Variants in RBFOX1 observed in about 807,000 individuals in gnomAD.
RBFOX1 encodes RNA binding protein fox-1 homolog 1.
RBFOX1 carries 8 observed loss-of-function variants against 57.7 expected under a neutral mutation model. The ratio of observed to expected loss-of-function variants is 0.14; its 90% CI spans 0.08 to 0.25. The LOEUF (loss-of-function observed/expected upper bound fraction) is 0.25, where lower values mean the gene tolerates loss of function less well. Ranked by LOEUF, RBFOX1 falls within the 10% of genes least tolerant of loss-of-function variation. RBFOX1 has a pLI of 1.00. For synonymous variants in RBFOX1, 326 were observed against 222.4 expected, an observed-to-expected ratio of 1.47 and a Z score of -4.15; for missense variants, 611 against 548.5, an observed-to-expected ratio of 1.11 and a Z score of -1.14.
intron 1 of RBFOX1, among the ~76,000 whole-genome samples, chr16:6,081,383 C>G (rs1367061879): frequency 1.3e-5 from 2 of 152,256 alleles, no homozygotes; most frequent in African/African-American, 2.4e-5. Flanking sequence ...TATCTTGTTT[C>G]TCTGTCGGAT....
At chr16:7,318,183 G>T (rs905956747) in intron 4 of RBFOX1, among the ~76,000 whole-genome samples, 1 of 151,956 alleles carries the variant, frequency 6.6e-6, no homozygotes, top group African/African-American at 2.4e-5. Flanking sequence ...GATGGTGATG[G>T]TGATAGTGAT....
Position 5,302,293 on chromosome 16 carries a change from T to C in RBFOX1, c.219+62188T>C, listed in dbSNP as rs1452005843. Among the ~76,000 whole-genome samples the C allele has an allele frequency of 2.0e-5, 3 of 152,316 alleles. No homozygotes were observed. The East Asian group carries it at 5.8e-4, about 29-fold the overall frequency. On this transcript the variant is annotated intron_variant, in intron 1 of 2. Transcript: ENST00000585867. ...TAATTAAATACTGTTGTCAGAGAAA[T>C]CATTTTTTTGATTTCAGTATTTTCT... is the stretch of plus-strand genomic sequence containing the variant.
intron 14 of RBFOX1, among the ~76,000 whole-genome samples, chr16:7,681,340 C>G (rs1299114383): frequency 2.0e-4 from 31 of 152,038 alleles, no homozygotes; most frequent in Non-Finnish European, 1.0e-4. Flanking sequence ...AATATTTCAT[C>G]ATAAGCTAAA....
At chr16:5,849,245 GA>G (rs2151861239) in intron 3 of RBFOX1, among the ~76,000 whole-genome samples, 1 of 152,212 alleles carries the variant, frequency 6.6e-6, no homozygotes, top group African/African-American at 2.4e-5. Context: ...AAGGGTTCTT[GA>G]CTTTAAGGAC....
At chr16:6,408,102 G>A (rs981780393) in intron 2 of RBFOX1, among the ~76,000 whole-genome samples, 4 of 152,110 alleles carry the variant, frequency 2.6e-5, no homozygotes, top group Admixed American at 6.6e-5. Context: ...TTCACTGGAC[G>A]TCAAATCTGT....
At chr16:5,353,071 T>G (rs2065299460) in intron 1 of RBFOX1, among the ~76,000 whole-genome samples, 1 of 152,194 alleles carries the variant, frequency 6.6e-6, no homozygotes, top group East Asian at 1.9e-4. Context: ...GGTTTCACAT[T>G]TTTAAAGACT....
intron 2 of RBFOX1, among the ~76,000 whole-genome samples, chr16:6,639,439 A>G (rs1291410265): frequency 6.6e-6 from 1 of 152,174 alleles, no homozygotes; most frequent in African/African-American, 2.4e-5. Flanking sequence ...TGTGGCCAGT[A>G]GGGGTCTGTT....
intron 10 of RBFOX1, among the ~76,000 whole-genome samples, chr16:7,623,340 A>G (rs1335106504): frequency 6.6e-6 from 1 of 152,192 alleles, no homozygotes; most frequent in Non-Finnish European, 1.5e-5. Flanking sequence ...TATATAATGA[A>G]TTAATTATAC....
intron 3 of RBFOX1, among the ~76,000 whole-genome samples, chr16:5,815,093 C>A (rs2055581926): frequency 6.6e-6 from 1 of 151,824 alleles, no homozygotes; most frequent in South Asian, 2.1e-4. Flanking sequence ...AACAATCCTA[C>A]CTCAGCCTCC....
chr16:7,707,873 T>C (rs575520491), intron 14 of RBFOX1, among the ~76,000 whole-genome samples: 13 of 152,228 alleles, frequency 8.5e-5, no homozygotes, highest in African/African-American at 3.1e-4. Context: ...GGACACCCCA[T>C]TCGGTAAGTC....
In RBFOX1 at chr16:7,453,799, A is replaced by C. The variant is rs112233640; in HGVS notation, c.28-64348A>C. On this transcript the variant is annotated intron_variant, in intron 4 of 15. Coordinates refer to ENST00000550418, the MANE Select transcript of RBFOX1 (RefSeq NM_018723.4). Reference sequence around the variant, plus strand: ...TGTTGGGCACCCTGATGAGATTATGAAGCACGGAGGAGCACCTTCAGCCTT... The same window carrying C: ...TGTTGGGCACCCTGATGAGATTATGCAGCACGGAGGAGCACCTTCAGCCTT... Among the ~76,000 whole-genome samples, 791 of 152,260 alleles carry C rather than the reference A, an allele frequency of 5.2e-3. 5 individuals carry two copies. The highest frequency in any genetic ancestry group is 0.017 in the African/African-American group (725 of 41,554).
intron 3 of RBFOX1, among the ~76,000 whole-genome samples, chr16:6,692,781 C>G (rs938127749): frequency 6.6e-6 from 1 of 152,150 alleles, no homozygotes; most frequent in Non-Finnish European, 1.5e-5. Flanking sequence ...ACATCATCAT[C>G]ATGATCATTG....
Position 6,819,080 on chromosome 16 carries a change from C to A in RBFOX1, c.-16+164430C>A, listed in dbSNP as rs142122805. 2.5e-4 allele frequency among the ~76,000 whole-genome samples: 38 copies of A among 152,300 alleles called. 1 individual carries two copies. The East Asian group carries it at 7.3e-3, about 29-fold the overall frequency. ...CGACTTGAATGAGTTCTGTCTGAAT[C>A]CAAACACCACAGACTTCCGGTTTCA... is the stretch of plus-strand genomic sequence containing the variant. On this transcript the variant is annotated intron_variant, in intron 3 of 15. Coordinates refer to ENST00000550418, the MANE Select transcript of RBFOX1 (RefSeq NM_018723.4).
At chr16:6,771,431 T>C (rs1179299854) in intron 3 of RBFOX1, among the ~76,000 whole-genome samples, 1 of 152,152 alleles carries the variant, frequency 6.6e-6, no homozygotes, top group African/African-American at 2.4e-5. Flanking sequence ...CTTCTGCTCC[T>C]GTCTGCATTG....
chr16:7,625,401 C>T (rs912619068), intron 10 of RBFOX1, among the ~76,000 whole-genome samples: 2 of 152,106 alleles, frequency 1.3e-5, no homozygotes, highest in Non-Finnish European at 2.9e-5. Context: ...CCACCTAGAA[C>T]CTTTACCCTT....
At chr16:5,791,083 G>A (rs1269341223) in intron 3 of RBFOX1, among the ~76,000 whole-genome samples, 1 of 151,964 alleles carries the variant, frequency 6.6e-6, no homozygotes, top group East Asian at 1.9e-4. Context: ...TGACCAGGCC[G>A]GTCTCAGCTC....
chr16:7,361,973 G>T (rs35209107), intron 4 of RBFOX1, among the ~76,000 whole-genome samples: 1 of 151,800 alleles, frequency 6.6e-6, no homozygotes, highest in African/African-American at 2.4e-5. Context: ...TTGTGTGTAT[G>T]CCAGTGTGTG....
At chr16:6,275,693 A>G (rs2075730657) in intron 1 of RBFOX1, among the ~76,000 whole-genome samples, 1 of 152,206 alleles carries the variant, frequency 6.6e-6, no homozygotes, top group South Asian at 2.1e-4. Context: ...CCTATTTTTA[A>G]AAAACACTAC....
chr16:7,393,154 G>T (rs2098072346), intron 4 of RBFOX1, among the ~76,000 whole-genome samples: 1 of 152,108 alleles, frequency 6.6e-6, no homozygotes. Flanking sequence ...GATTACAGGT[G>T]TGAGCCACCG....
Sources: gnomAD v4.1 joint callset for allele counts (sites outside exome capture counted in the v4.1 genomes callset) on GRCh38, gnomAD v4.1.1 for gene constraint, MANE v1.5 for transcripts, NCBI Gene and HGNC (gene_info 2026-07-23, HGNC 2026-07-21) for gene names.